The following PIWIL1 variants were observed in gnomAD, a reference collection of about 807,000 sequenced individuals.
PIWIL1 encodes piwi like RNA-mediated gene silencing 1.
PIWIL1 carries 73 observed loss-of-function variants against 114.4 expected under a neutral mutation model. That is an observed-to-expected ratio of 0.64 (90% CI 0.53 to 0.78). The LOEUF (loss-of-function observed/expected upper bound fraction) is 0.78. Ranked by LOEUF, PIWIL1 falls within the 30% of genes least tolerant of loss-of-function variation. The pLI is 0.00. For synonymous variants in PIWIL1, 375 were observed against 369.0 expected, an observed-to-expected ratio of 1.02 and a Z score of -0.19; for missense variants, 723 against 1,063.1, an observed-to-expected ratio of 0.68 and a Z score of 4.45.
the PIWIL1 span, among the ~76,000 whole-genome samples, chr12:130,378,502 G>C: frequency 6.6e-6 from 1 of 152,158 alleles, no homozygotes. Flanking sequence ...GGAATTGCTG[G>C]ATTTATATGG....
chr12:130,418,205 A>C, the PIWIL1 span, among the ~76,000 whole-genome samples: 1 of 152,262 alleles, frequency 6.6e-6, no homozygotes, highest in Admixed American at 6.5e-5. Context: ...ATTGAGATTC[A>C]GAGTCTTTTT....
chr12:130,399,932 A>T, the PIWIL1 span: 1 of 1,180,320 alleles, frequency 8.5e-7, no homozygotes, highest in Non-Finnish European at 1.2e-6. Flanking sequence ...CTGGTTCAAA[A>T]GTGGCAGGAC....
chr12:130,341,136 G>A (rs546493528), intron 1 of PIWIL1, among the ~76,000 whole-genome samples: 2 of 152,316 alleles, frequency 1.3e-5, no homozygotes, highest in African/African-American at 4.8e-5. Context: ...TAGAACCTTG[G>A]ATGGTTTCTC....
In PIWIL1 at chr12:130,346,970, T is replaced by A; in HGVS notation, c.561T>A (p.Asn187Lys). 6.2e-7 allele frequency: 1 copy of A among 1,613,460 alleles called. No homozygotes were observed. The highest frequency in any genetic ancestry group is 8.5e-7 in the Non-Finnish European group (1 of 1,179,726). Residue 187 changes from asparagine to lysine, a missense_variant, in exon 6 of 21, where the codon AAT (asparagine) becomes AAA (lysine). By Grantham distance (94) the Asn-to-Lys change is moderately conservative (BLOSUM62 0). Around this residue, in one of 8 missense-constraint regions of PIWIL1, gnomAD observed 190 missense variants for 294.4 expected, o/e 0.65. Coordinates refer to ENST00000245255, the MANE Select transcript of PIWIL1 (RefSeq NM_004764.5). ...CTGAAGTTTTTAGTAAGACCCGGAA[T>A]GGAGAGGATGTGAGGATAACGATCA... ...KVTEVFSKTRNGEDVRITITL... is the reference protein window; with the variant it reads ...KVTEVFSKTRKGEDVRITITL...
At chr12:130,412,914 C>T in the PIWIL1 span, 20 of 919,386 alleles carry the variant, frequency 2.2e-5, no homozygotes, top group Non-Finnish European at 2.7e-5. Context: ...TACCATAAAT[C>T]ACCTGCATAG....
At chr12:130,348,569 C>T (rs1326073586) in intron 7 of PIWIL1, among the ~76,000 whole-genome samples, 1 of 152,152 alleles carries the variant, frequency 6.6e-6, no homozygotes, top group African/African-American at 2.4e-5. Flanking sequence ...ATGCCCATGT[C>T]ACAAACCTGC....
chr12:130,399,482 C>CT, the PIWIL1 span, among the ~76,000 whole-genome samples: 5 of 151,952 alleles, frequency 3.3e-5, no homozygotes, highest in Non-Finnish European at 7.4e-5. Context: ...TTGAAAGGGT[C>CT]TTTTTTTGTA....
chr12:130,416,162 C>T, the PIWIL1 span, among the ~76,000 whole-genome samples: 3 of 152,314 alleles, frequency 2.0e-5, no homozygotes, highest in South Asian at 2.1e-4. Context: ...ATGCAACCTA[C>T]AGATTCAATG....
At chr12:130,341,151 G>GT (rs1443144129) in intron 1 of PIWIL1, among the ~76,000 whole-genome samples, 4 of 152,192 alleles carry the variant, frequency 2.6e-5, no homozygotes, top group African/African-American at 9.7e-5. Flanking sequence ...TTTCTCATGT[G>GT]TTGAGTATCC....
At chr12:130,417,397 A>G in the PIWIL1 span, among the ~76,000 whole-genome samples, 2 of 152,240 alleles carry the variant, frequency 1.3e-5, no homozygotes, top group Non-Finnish European at 2.9e-5. Flanking sequence ...ATGGAATGCT[A>G]TGCAGCCAGA....
Position 130,361,552 on chromosome 12 carries a change from C to T in PIWIL1, c.1921C>T (p.Arg641Trp), listed in dbSNP as rs1409689482. ...IDCYHDMTAG[R>W]RSIAGFVASI... Reference sequence around the variant, plus strand: ...TTGTTACCATGACATGACAGCTGGGCGGAGGTCAATCGCAGGATTTGTTGC... The same window carrying T: ...TTGTTACCATGACATGACAGCTGGGTGGAGGTCAATCGCAGGATTTGTTGC... The change falls in exon 16 of 21, where the codon CGG becomes TGG. Residue 641 changes from arginine (R) to tryptophan (W), a missense_variant. By Grantham distance (101) the Arg-to-Trp change is moderately radical. Coordinates refer to ENST00000245255, the MANE Select transcript of PIWIL1 (RefSeq NM_004764.5). 7 of 1,614,010 alleles carry T rather than the reference C, an allele frequency of 4.3e-6. No individual in the cohort carries two copies. The highest frequency in any genetic ancestry group is 4.5e-5 in the East Asian group (2 of 44,890).
the PIWIL1 span, among the ~76,000 whole-genome samples, chr12:130,382,111 G>A: frequency 1.3e-5 from 2 of 152,220 alleles, no homozygotes; most frequent in African/African-American, 4.8e-5. Flanking sequence ...AGGTTAGGTG[G>A]CACTTAGTTA....
intron 3 of PIWIL1, among the ~76,000 whole-genome samples, chr12:130,343,506 T>G (rs778190397): frequency 4.6e-5 from 7 of 152,188 alleles, no homozygotes; most frequent in Non-Finnish European, 1.0e-4. Context: ...CGGTAAATGC[T>G]CAAATACCTA....
At chr12:130,364,037 T>C (rs549139249) in intron 18 of PIWIL1, among the ~76,000 whole-genome samples, 12 of 152,202 alleles carry the variant, frequency 7.9e-5, no homozygotes, top group Non-Finnish European at 1.8e-4. Context: ...GACATTTCCG[T>C]CAGTGCCATT....
exon 21 of PIWIL1, chr12:130,372,597 C>CAAAAA (rs60262232): frequency 8.8e-5 from 6 of 67,882 alleles, no homozygotes; most frequent in South Asian, 7.1e-4. Flanking sequence ...GACTCCGTCT[C>CAAAAA]AAAAAAAAAA....
chr12:130,371,451 G>A (rs2073815057), intron 20 of PIWIL1, 31 bp from the exon 21 acceptor site: 2 of 1,609,768 alleles, frequency 1.2e-6, no homozygotes, highest in Admixed American at 1.7e-5. Flanking sequence ...TAAGTCTAGA[G>A]TAATAGAACC....
chr12:130,378,890 T>A, the PIWIL1 span, among the ~76,000 whole-genome samples: 1 of 152,224 alleles, frequency 6.6e-6, no homozygotes, highest in African/African-American at 2.4e-5. Context: ...TTCCTTCCAG[T>A]TTCTGGCTTG....
the PIWIL1 span, among the ~76,000 whole-genome samples, chr12:130,409,460 G>A: frequency 3.3e-4 from 48 of 146,458 alleles, no homozygotes; most frequent in African/African-American, 1.1e-3. Flanking sequence ...CTCCTGCTTC[G>A]GCCTCCTGAG....
At chr12:130,352,733 G>A (rs2073246912) in intron 9 of PIWIL1, among the ~76,000 whole-genome samples, 1 of 152,150 alleles carries the variant, frequency 6.6e-6, no homozygotes, top group Admixed American at 6.5e-5. Context: ...AAAAGTGGAG[G>A]GGGCGTAGCG....
Sources: gnomAD v4.1 joint callset for allele counts (sites outside exome capture counted in the v4.1 genomes callset) on GRCh38, gnomAD v4.1.1 for gene constraint, gnomAD v4.1.1 regional missense constraint, MANE v1.5 for transcripts, NCBI Gene and HGNC (gene_info 2026-07-23, HGNC 2026-07-21) for gene names.